DPYD: variants seen among roughly 807,000 people sequenced by gnomAD.
DPYD encodes the protein dihydropyrimidine dehydrogenase [NADP(+)].
A neutral mutation model predicts 116.2 loss-of-function variants in DPYD; 109 were observed. The observed-to-expected ratio is 0.94, with a 90% CI of 0.80 to 1.10. The LOEUF is 1.10. Ranked by LOEUF, DPYD falls within the 50% of genes least tolerant of loss-of-function variation. The probability of loss-of-function intolerance (pLI) is 0.00; values close to 1 mark genes in which losing one functional copy is unlikely to be tolerated. For missense variants in DPYD, 1,302 were observed against 1,254.5 expected (o/e 1.04, Z -0.57); for synonymous variants, 440 against 432.0 (o/e 1.02, Z -0.23).
intron 14 of DPYD, among the ~76,000 whole-genome samples, chr1:97,410,726 A>G (rs1202217026): frequency 6.6e-6 from 1 of 152,090 alleles, no homozygotes; most frequent in African/African-American, 2.4e-5. Flanking sequence ...AAGTTTATAG[A>G]TAGATTTATA....
intron 20 of DPYD, among the ~76,000 whole-genome samples, chr1:97,106,597 G>A (rs536526433): frequency 6.6e-6 from 1 of 152,218 alleles, no homozygotes; most frequent in Non-Finnish European, 1.5e-5. Flanking sequence ...CACTCGCCCA[G>A]CCATCTCCTC....
chr1:97,427,978 T>C (rs1277887215), intron 14 of DPYD, among the ~76,000 whole-genome samples: 3 of 152,114 alleles, frequency 2.0e-5, no homozygotes, highest in Admixed American at 2.0e-4. Context: ...AATTCAAAGA[T>C]GCCTAAAAAA....
chr1:97,388,211 GAAT>G (rs1672470811), intron 14 of DPYD, among the ~76,000 whole-genome samples: 1 of 152,034 alleles, frequency 6.6e-6, no homozygotes, highest in East Asian at 1.9e-4. Flanking sequence ...TACTGAGATA[GAAT>G]AAAGCCTAAT....
In DPYD at chr1:97,366,049, A is replaced by T. The variant is rs563067084; in HGVS notation, c.2058+7512T>A. On this transcript the variant is annotated intron_variant, in intron 16 of 22. Coordinates refer to ENST00000370192, the MANE Select transcript of DPYD (RefSeq NM_000110.4). Reference sequence around the variant, plus strand: ...AAACGGTGTTGCTTTCAACTAAAAAAATTACAACTTTTAAAAGCAGCAAAA... The same window carrying T: ...AAACGGTGTTGCTTTCAACTAAAAATATTACAACTTTTAAAAGCAGCAAAA... Among the ~76,000 whole-genome samples the T allele has an allele frequency of 3.9e-5, 6 of 152,354 alleles. No individual in the cohort carries two copies. In the South Asian group the frequency reaches 1.2e-3, roughly 32 times the overall value.
At position 97,450,189 on chromosome 1, in the gene DPYD, C is replaced by T. The variant is rs138616379; in HGVS notation, c.1775G>A (p.Arg592Gln). The change falls in exon 14 of 23, where the codon CGG (arginine) becomes CAG (glutamine). Residue 592 changes from arginine (R) to glutamine (Q), a missense_variant. By Grantham distance (43) the Arg-to-Gln change is conservative (BLOSUM62 1). Coordinates refer to ENST00000370192, the MANE Select transcript of DPYD (RefSeq NM_000110.4). ...ATACATGGGGCCAGAGGTGGTTCCC[C>T]GGATGATTCTGGGGGAAACATTTGT... Reference protein sequence around the residue: ...IVTNVSPRIIRGTTSGPMYGP... With the variant: ...IVTNVSPRIIQGTTSGPMYGP... 78 of 1,613,504 alleles carry T rather than the reference C, an allele frequency of 4.8e-5. No homozygotes were observed. The highest frequency in any genetic ancestry group is 1.6e-4 in the Middle Eastern group (1 of 6,080).
At chr1:97,817,758 C>T (rs1668705023) in intron 3 of DPYD, among the ~76,000 whole-genome samples, 1 of 151,960 alleles carries the variant, frequency 6.6e-6, no homozygotes, top group Non-Finnish European at 1.5e-5. Flanking sequence ...TTTACTTAAG[C>T]TTTGCAACTA....
At chr1:97,778,800 C>T (rs946097471) in intron 3 of DPYD, among the ~76,000 whole-genome samples, 2 of 152,052 alleles carry the variant, frequency 1.3e-5, no homozygotes, top group Non-Finnish European at 2.9e-5. Flanking sequence ...TAATTTCACA[C>T]ATATTACCTA....
At chr1:97,173,478 GTA>G (rs539903109) in intron 20 of DPYD, among the ~76,000 whole-genome samples, 3 of 147,314 alleles carry the variant, frequency 2.0e-5, no homozygotes, top group East Asian at 2.1e-4. Context: ...CACATAATGT[GTA>G]TATATATACA....
intron 5 of DPYD, among the ~76,000 whole-genome samples, chr1:97,702,844 T>TA (rs1203903901): frequency 2.0e-5 from 3 of 151,958 alleles, no homozygotes; most frequent in Admixed American, 6.6e-5. Flanking sequence ...AGCCTTCTTT[T>TA]AAAAAAATTA....
intron 8 of DPYD, among the ~76,000 whole-genome samples, chr1:97,606,249 T>C (rs915303911): frequency 5.9e-5 from 9 of 152,064 alleles, no homozygotes; most frequent in African/African-American, 2.2e-4. Context: ...GTGATGAAGA[T>C]ACATAGATGA....
At chr1:97,591,870 T>C (rs2102247271) in intron 10 of DPYD, among the ~76,000 whole-genome samples, 1 of 152,118 alleles carries the variant, frequency 6.6e-6, no homozygotes, top group South Asian at 2.1e-4. Flanking sequence ...TTACACTAAT[T>C]ATTGCCTAAG....
intron 13 of DPYD, among the ~76,000 whole-genome samples, chr1:97,508,331 G>A (rs975649481): frequency 6.6e-6 from 1 of 151,916 alleles, no homozygotes; most frequent in African/African-American, 2.4e-5. Flanking sequence ...AGCATTCCAG[G>A]CAGATCAAAC....
chr1:97,231,831 T>C (rs1440981061), intron 19 of DPYD, among the ~76,000 whole-genome samples: 3 of 152,194 alleles, frequency 2.0e-5, no homozygotes, highest in Non-Finnish European at 4.4e-5. Context: ...TTTACTTCCA[T>C]GTGTGACTTG....
intron 13 of DPYD, among the ~76,000 whole-genome samples, chr1:97,466,219 C>G (rs1428020236): frequency 1.3e-5 from 2 of 152,256 alleles, no homozygotes; most frequent in Admixed American, 6.5e-5. Flanking sequence ...GCAAAATATT[C>G]TTATTTGTTG....
At chr1:97,634,210 A>G (rs1383135926) in intron 8 of DPYD, among the ~76,000 whole-genome samples, 2 of 152,154 alleles carry the variant, frequency 1.3e-5, no homozygotes, top group Non-Finnish European at 1.5e-5. Context: ...TAAAGCCAAC[A>G]TGAATTTACA....
At chr1:97,287,557 A>C (rs1020749699) in intron 18 of DPYD, among the ~76,000 whole-genome samples, 5 of 152,046 alleles carry the variant, frequency 3.3e-5, no homozygotes, top group African/African-American at 9.7e-5. Flanking sequence ...GCAGGCAGGC[A>C]TCCTTGAGCT....
chr1:97,317,380 A>T (rs1208628908), intron 16 of DPYD, among the ~76,000 whole-genome samples: 3 of 151,962 alleles, frequency 2.0e-5, no homozygotes, highest in Admixed American at 6.6e-5. Context: ...CTTAGAACAC[A>T]TTAAAAAGAC....
Position 97,569,812 on chromosome 1 carries a change from A to G in DPYD, c.1339+3948T>C, listed in dbSNP as rs537700868. ...ATTCAATTAAATTATGCTGATCGGCACATAACATATTCCATGCACATGGAT... is the reference window on the plus strand; with the variant it reads ...ATTCAATTAAATTATGCTGATCGGCGCATAACATATTCCATGCACATGGAT... On this transcript the variant is annotated intron_variant, in intron 11 of 22. Transcript: ENST00000370192. 4.6e-5 allele frequency among the ~76,000 whole-genome samples: 7 copies of G among 152,168 alleles called. 1 individual carries two copies. The highest frequency in any genetic ancestry group is 1.7e-4 in the African/African-American group (7 of 41,554).
chr1:97,086,768 A>G (rs1381227464), intron 21 of DPYD, among the ~76,000 whole-genome samples: 1 of 151,950 alleles, frequency 6.6e-6, no homozygotes. Flanking sequence ...AAAAAAAATC[A>G]TAAGATAAAC....
Sources: allele counts gnomAD v4.1 joint callset (sites outside exome capture counted in the v4.1 genomes callset), GRCh38; gene constraint gnomAD v4.1.1; transcripts MANE v1.5; gene names NCBI Gene and HGNC (gene_info 2026-07-23, HGNC 2026-07-21).